The following BBX variants were observed in gnomAD, a reference collection of about 807,000 sequenced individuals.
The protein encoded by BBX is HMG box transcription factor BBX.
In BBX, 30 loss-of-function variants were observed where a neutral mutation model predicts 100.2. That is an observed-to-expected ratio of 0.30 (90% confidence interval 0.22 to 0.41). BBX has a LOEUF of 0.41. Ranked by LOEUF, BBX falls within the 10% of genes least tolerant of loss-of-function variation. The probability of loss-of-function intolerance (pLI) is 1.00; values close to 1 mark genes in which losing one functional copy is unlikely to be tolerated. For synonymous variants in BBX, 376 were observed against 388.1 expected (o/e 0.97, Z 0.37); for missense variants, 1,023 against 1,129.8 (o/e 0.91, Z 1.35).
intron 2 of BBX, among the ~76,000 whole-genome samples, chr3:107,627,023 A>G (rs2056230257): frequency 6.6e-6 from 1 of 152,210 alleles, no homozygotes; most frequent in South Asian, 2.1e-4. Context: ...CCAAGAGAGT[A>G]GAAGCCACAA....
chr3:107,802,896 G>C (rs1194506939), intron 17 of BBX, among the ~76,000 whole-genome samples: 1 of 152,040 alleles, frequency 6.6e-6, no homozygotes, highest in Non-Finnish European at 1.5e-5. Context: ...CCTAGTCCCC[G>C]GTCCTCTTCT....
At chr3:107,644,358 A>T (rs1279687874) in intron 2 of BBX, among the ~76,000 whole-genome samples, 4 of 152,104 alleles carry the variant, frequency 2.6e-5, no homozygotes, top group Admixed American at 1.3e-4. Context: ...GGCAGTACAA[A>T]TTATATATAT....
chr3:107,597,480 T>C (rs185898429), intron 2 of BBX, among the ~76,000 whole-genome samples: 5 of 152,158 alleles, frequency 3.3e-5, no homozygotes, highest in Non-Finnish European at 7.4e-5. Flanking sequence ...TTATGCATCA[T>C]TGGTGTTTTT....
intron 17 of BBX, among the ~76,000 whole-genome samples, chr3:107,804,414 A>G (rs1487156053): frequency 6.6e-6 from 1 of 152,212 alleles, no homozygotes; most frequent in African/African-American, 2.4e-5. Context: ...TGTAGGTTAC[A>G]GAGCAGTGAG....
intron 2 of BBX, among the ~76,000 whole-genome samples, chr3:107,560,542 A>G (rs1253941583): frequency 6.6e-6 from 1 of 152,210 alleles, no homozygotes; most frequent in Non-Finnish European, 1.5e-5. Context: ...GAGATATTGT[A>G]AATATTCTGA....
At chr3:107,800,956 C>G (rs1182225063) in intron 16 of BBX, 139 bp from the exon 17 acceptor site, 5 of 805,224 alleles carry the variant, frequency 6.2e-6, no homozygotes, top group Non-Finnish European at 9.8e-6. Flanking sequence ...TCTGTAAAAG[C>G]CTTAATATTC....
At chr3:107,568,926 C>T (rs2051138576) in intron 2 of BBX, among the ~76,000 whole-genome samples, 1 of 152,080 alleles carries the variant, frequency 6.6e-6, no homozygotes, top group African/African-American at 2.4e-5. Context: ...GTATAGATTC[C>T]AACAATCACA....
intron 3 of BBX, among the ~76,000 whole-genome samples, chr3:107,668,545 C>A (rs975157977): frequency 6.6e-6 from 1 of 152,204 alleles, no homozygotes; most frequent in Non-Finnish European, 1.5e-5. Flanking sequence ...CAGCTACCTG[C>A]TAAGAACCAC....
In BBX at chr3:107,732,894, G is replaced by C. The variant is rs370402912; in HGVS notation, c.602-62G>C. Reference sequence around the variant, plus strand: ...GCTAGTCTTTATGAGTATTCTTTTTGACTCTGTGGATTGTATGTACTTTAT... The same window carrying C: ...GCTAGTCTTTATGAGTATTCTTTTTCACTCTGTGGATTGTATGTACTTTAT... On this transcript the variant is annotated intron_variant, in intron 6 of 17. Coordinates refer to ENST00000325805, the MANE Select transcript of BBX (RefSeq NM_001142568.3). The C allele has an allele frequency of 1.9e-5, 25 of 1,347,082 alleles. No homozygotes were observed. The South Asian group carries it at 3.1e-4, about 17-fold the overall frequency. The allele number at this position is 1,347,082 out of a possible 1,614,324, so 83.4% of individuals were successfully genotyped here. A position where few individuals can be genotyped will look rare whatever the true frequency, so the allele number is the denominator to read the frequency against.
chr3:107,554,958 C>T (rs560424350), intron 2 of BBX, among the ~76,000 whole-genome samples: 1 of 151,660 alleles, frequency 6.6e-6, no homozygotes, highest in South Asian at 2.1e-4. Flanking sequence ...ATTCCAGCTA[C>T]TCGGGAGGCT....
At position 107,692,317 on chromosome 3, in the gene BBX, G is replaced by A. The variant is rs141197988; in HGVS notation, c.-9-18135G>A. Among the ~76,000 whole-genome samples, 730 of 152,010 alleles carry A rather than the reference G, an allele frequency of 4.8e-3. 12 individuals are homozygous for A. The highest frequency in any genetic ancestry group is 0.023 in the East Asian group (120 of 5,170). ...CTACTAACTCGTCATCTAGCATTAC[G>A]TATACCTCTCAATGCTATCCCTCCC... On this transcript the variant is annotated intron_variant, in intron 3 of 17. Transcript: ENST00000325805.
At chr3:107,733,463 A>C (rs931224624) in intron 7 of BBX, among the ~76,000 whole-genome samples, 2 of 152,110 alleles carry the variant, frequency 1.3e-5, no homozygotes, top group African/African-American at 4.8e-5. Flanking sequence ...GAAAATTAGG[A>C]AACATGGCAT....
chr3:107,565,140 T>C (rs1336962904), intron 2 of BBX, among the ~76,000 whole-genome samples: 6 of 152,206 alleles, frequency 3.9e-5, no homozygotes, highest in African/African-American at 9.7e-5. Flanking sequence ...GTATGGAAAC[T>C]ATTTGATTTT....
At chr3:107,753,812 A>G (rs1042213308) in intron 9 of BBX, among the ~76,000 whole-genome samples, 19 of 152,352 alleles carry the variant, frequency 1.2e-4, no homozygotes, top group African/African-American at 3.4e-4. Context: ...TATGTGACAA[A>G]TTTAGTGCTC....
intron 2 of BBX, among the ~76,000 whole-genome samples, chr3:107,601,833 A>G (rs1200439032): frequency 6.6e-6 from 1 of 152,258 alleles, no homozygotes; most frequent in East Asian, 1.9e-4. Context: ...AATAGCCTTC[A>G]GTTGGAGGAA....
At chr3:107,782,349 C>G (rs1429055160) in intron 13 of BBX, among the ~76,000 whole-genome samples, 2 of 152,006 alleles carry the variant, frequency 1.3e-5, no homozygotes, top group Admixed American at 6.6e-5. Flanking sequence ...ACTTACAAGT[C>G]CAATACAGAA....
rs943295655 is a variant in BBX at position 107,735,669 on chromosome 3, G to A, written c.669+2646G>A. ...GAGGGTAGAGAGGCTTACTGTAACT[G>A]AAATAATAAAGTCCCAGATTAAAAG... On this transcript the variant is annotated intron_variant, in intron 7 of 17. Coordinates refer to ENST00000325805, the MANE Select transcript of BBX (RefSeq NM_001142568.3). 2.6e-5 allele frequency among the ~76,000 whole-genome samples: 4 copies of A among 151,866 alleles called. No individual in the cohort carries two copies. In the East Asian group the frequency reaches 7.7e-4, roughly 29 times the overall value.
Position 107,772,456 on chromosome 3 carries a change from C to T in BBX, c.907-172C>T, listed in dbSNP as rs540834706. ...ATGACTGTATAACAGTGCCCACAGCCTTCTATCAATTTGATTCATTTCAGT... is the reference window on the plus strand; with the variant it reads ...ATGACTGTATAACAGTGCCCACAGCTTTCTATCAATTTGATTCATTTCAGT... On this transcript the variant is annotated intron_variant, in intron 10 of 17. Transcript: ENST00000325805. Among the ~76,000 whole-genome samples, 15 of 152,310 alleles carry T rather than the reference C, an allele frequency of 9.8e-5. No homozygotes were observed. The South Asian group carries it at 1.4e-3, about 15-fold the overall frequency.
intron 3 of BBX, among the ~76,000 whole-genome samples, chr3:107,679,812 A>G (rs1004943128): frequency 6.6e-6 from 1 of 152,166 alleles, no homozygotes; most frequent in African/African-American, 2.4e-5. Flanking sequence ...AAATTCCTTC[A>G]TGAAGACTCA....
Sources: gnomAD v4.1 joint callset for allele counts (sites outside exome capture counted in the v4.1 genomes callset) on GRCh38, gnomAD v4.1.1 for gene constraint, MANE v1.5 for transcripts, NCBI Gene and HGNC (gene_info 2026-07-23, HGNC 2026-07-21) for gene names.